Variants in TOX3 observed in about 807,000 individuals in gnomAD.
TOX3 encodes TOX high mobility group box family member 3, also known as CAG trinucleotide repeat-containing gene F9 protein.
TOX3 carries 22 observed loss-of-function variants against 64.3 expected under a neutral mutation model. The ratio of observed to expected loss-of-function variants is 0.34; its 90% CI spans 0.24 to 0.49. TOX3 has a LOEUF of 0.49. Among genes scored for constraint, TOX3 ranks in the 20% least tolerant of loss-of-function variants. The pLI is 0.99. For synonymous variants in TOX3, 291 were observed against 273.6 expected (o/e 1.06, Z -0.63); for missense variants, 661 against 714.4 (o/e 0.93, Z 0.85).
At position 52,437,789 on chromosome 16, in the gene TOX3, TAAA is replaced by T. The variant is rs67145443; in HGVS notation, c.*1433_*1435del. Among the ~76,000 whole-genome samples the T allele has an allele frequency of 0.048, 5,379 of 111,402 alleles. 151 individuals carry two copies. The highest frequency in any genetic ancestry group is 0.11 in the African/African-American group (3,119 of 29,612). 73.1% of individuals were successfully genotyped at this position (111,402 alleles called of 152,430 possible). ...CTATACTTACCTTGTACTTGCATCT[TAAA>T]AAAAAAAAAAAAAAAAAAAAAGACA... On this transcript the variant is annotated 3_prime_UTR_variant, in exon 7 of 7. Coordinates refer to ENST00000219746, the MANE Select transcript of TOX3 (RefSeq NM_001080430.4).
chr16:52,489,421 T>C (rs1415978667), intron 1 of TOX3, among the ~76,000 whole-genome samples: 1 of 152,200 alleles, frequency 6.6e-6, no homozygotes, highest in Non-Finnish European at 1.5e-5. Flanking sequence ...TGTGGACTTC[T>C]AATCTCCAAA....
chr16:52,489,130 A>C lies in TOX3; in HGVS notation c.88-20556T>G, dbSNP rs149965821. The stretch of plus-strand genomic sequence containing the variant: ...TTCTTCCATCTGTGTTCTGAATCCC[A>C]CTCCACCATGGTTTGGTTTGGCTCT... On this transcript the variant is annotated intron_variant, in intron 1 of 6. Transcript: ENST00000219746. Among the ~76,000 whole-genome samples, 6 of 151,162 alleles carry C rather than the reference A, an allele frequency of 4.0e-5. No individual in the cohort carries two copies. In the East Asian group the frequency reaches 9.8e-4, roughly 25 times the overall value.
intron 2 of TOX3, among the ~76,000 whole-genome samples, chr16:52,467,327 A>C (rs796772330): frequency 2.6e-4 from 39 of 152,326 alleles, no homozygotes; most frequent in African/African-American, 8.9e-4. Context: ...ATTACCACAA[A>C]CAACACAGCA....
intron 1 of TOX3, among the ~76,000 whole-genome samples, chr16:52,544,508 C>A (rs894169450): frequency 2.0e-5 from 3 of 152,116 alleles, no homozygotes; most frequent in African/African-American, 7.2e-5. Context: ...CAATATTAAG[C>A]GCTATGTCTA....
intron 1 of TOX3, among the ~76,000 whole-genome samples, chr16:52,528,819 T>G (rs910123068): frequency 4.6e-5 from 7 of 152,158 alleles, no homozygotes; most frequent in Non-Finnish European, 1.0e-4. Flanking sequence ...GGTGGCTGGT[T>G]TTATAAGAGG....
chr16:52,543,611 C>T (rs1316563198), intron 1 of TOX3, among the ~76,000 whole-genome samples: 1 of 152,122 alleles, frequency 6.6e-6, no homozygotes, highest in Non-Finnish European at 1.5e-5. Context: ...AATGTTCAAA[C>T]AGTCGACTTT....
chr16:52,519,819 G>A (rs900099380), intron 1 of TOX3, among the ~76,000 whole-genome samples: 1 of 151,702 alleles, frequency 6.6e-6, no homozygotes, highest in Admixed American at 6.6e-5. Flanking sequence ...AAAATTAGAT[G>A]AGCAGGGTGG....
intron 1 of TOX3, among the ~76,000 whole-genome samples, chr16:52,505,209 G>A (rs570053151): frequency 2.6e-5 from 4 of 152,274 alleles, no homozygotes; most frequent in Admixed American, 2.6e-4. Context: ...AAAAGGCCTG[G>A]CTAGGATTCC....
At chr16:52,492,175 A>T (rs1961704705) in intron 1 of TOX3, among the ~76,000 whole-genome samples, 1 of 149,300 alleles carries the variant, frequency 6.7e-6, no homozygotes, top group Non-Finnish European at 1.5e-5. Flanking sequence ...ACTTTTTAAT[A>T]GTGCTGTGTT....
chr16:52,446,291 T>A, intron 4 of TOX3, 70 bp from the exon 5 acceptor site: 3 of 1,474,648 alleles, frequency 2.0e-6, no homozygotes, highest in Non-Finnish European at 2.7e-6. Context: ...TTAACTCAGA[T>A]CCATAATTGT....
chr16:52,545,043 G>C (rs1266199427), intron 1 of TOX3, among the ~76,000 whole-genome samples: 1 of 152,174 alleles, frequency 6.6e-6, no homozygotes, highest in Non-Finnish European at 1.5e-5. Flanking sequence ...GGAACAATTA[G>C]GTAGATTCTC....
chr16:52,475,863 C>A (rs1961192162), intron 1 of TOX3, among the ~76,000 whole-genome samples: 1 of 152,182 alleles, frequency 6.6e-6, no homozygotes, highest in Non-Finnish European at 1.5e-5. Flanking sequence ...TTTACTGTAG[C>A]AGAATCTCTA....
At chr16:52,489,088 T>C (rs1961605602) in intron 1 of TOX3, among the ~76,000 whole-genome samples, 2 of 152,178 alleles carry the variant, frequency 1.3e-5, no homozygotes, top group South Asian at 4.1e-4. Context: ...TTTTTTTCCT[T>C]TGCCCAGCAA....
At chr16:52,520,401 C>G (rs1962578072) in intron 1 of TOX3, among the ~76,000 whole-genome samples, 1 of 152,192 alleles carries the variant, frequency 6.6e-6, no homozygotes, top group South Asian at 2.1e-4. Flanking sequence ...CTGTTTACAA[C>G]AAGCAAAAGC....
At chr16:52,544,051 A>G (rs577030947) in intron 1 of TOX3, among the ~76,000 whole-genome samples, 6 of 152,358 alleles carry the variant, frequency 3.9e-5, no homozygotes, top group African/African-American at 1.4e-4. Flanking sequence ...CATTAAAACA[A>G]GAGAGGGAAG....
chr16:52,527,493 C>T (rs940610470), intron 1 of TOX3, among the ~76,000 whole-genome samples: 24 of 152,270 alleles, frequency 1.6e-4, no homozygotes, highest in Non-Finnish European at 2.2e-4. Flanking sequence ...CTTCTCAATC[C>T]GCCAGATCAC....
intron 1 of TOX3, among the ~76,000 whole-genome samples, chr16:52,476,104 T>C (rs1310815939): frequency 6.6e-6 from 1 of 152,218 alleles, no homozygotes; most frequent in African/African-American, 2.4e-5. Context: ...CTTTCCTGGA[T>C]GATAGGGACA....
At chr16:52,492,904 A>T (rs948857958) in intron 1 of TOX3, among the ~76,000 whole-genome samples, 13 of 151,892 alleles carry the variant, frequency 8.6e-5, no homozygotes, top group Non-Finnish European at 1.3e-4. Flanking sequence ...ACTGCAAAAA[A>T]AAAAAAAAAG....
intron 1 of TOX3, among the ~76,000 whole-genome samples, chr16:52,529,006 G>T (rs901665733): frequency 1.3e-5 from 2 of 152,172 alleles, no homozygotes; most frequent in African/African-American, 4.8e-5. Flanking sequence ...ATGTGGACCA[G>T]ACAACAACTT....
Sources: gnomAD v4.1 joint callset for allele counts (sites outside exome capture counted in the v4.1 genomes callset) on GRCh38, gnomAD v4.1.1 for gene constraint, MANE v1.5 for transcripts, NCBI Gene and HGNC (gene_info 2026-07-23, HGNC 2026-07-21) for gene names.